The following SPA17 variants were observed in gnomAD, a reference collection of about 807,000 sequenced individuals.
SPA17 encodes sperm surface protein Sp17.
Under a neutral mutation model 13.8 loss-of-function variants are expected in SPA17, and 7 were observed. That is an observed-to-expected ratio of 0.51 (90% CI 0.29 to 0.95). The LOEUF is 0.95. Among genes scored for constraint, SPA17 ranks in the 40% least tolerant of loss-of-function variants. The pLI, the probability that SPA17 is intolerant of heterozygous loss-of-function variation, is 0.08. For synonymous variants in SPA17, 61 were observed against 59.0 expected (o/e 1.03, Z -0.16); for missense variants, 170 against 179.3 (o/e 0.95, Z 0.30).
chr11:124,691,431 T>G (rs1943622700), intron 3 of SPA17, among the ~76,000 whole-genome samples: 1 of 152,190 alleles, frequency 6.6e-6, no homozygotes, highest in South Asian at 2.1e-4. Context: ...CATAAAACAG[T>G]GGTACACACA....
chr11:124,684,843 G>A (rs1943562535), intron 3 of SPA17, among the ~76,000 whole-genome samples: 1 of 152,174 alleles, frequency 6.6e-6, no homozygotes, highest in African/African-American at 2.4e-5. Flanking sequence ...CAAAGAAACT[G>A]GCAGCATTTT....
intron 3 of SPA17, among the ~76,000 whole-genome samples, chr11:124,687,756 C>G (rs1470981217): frequency 1.3e-5 from 2 of 152,098 alleles, no homozygotes; most frequent in Non-Finnish European, 2.9e-5. Flanking sequence ...TAAAAACACT[C>G]AACAAACTAG....
At chr11:124,694,235 T>C in intron 4 of SPA17, 68 bp from the exon 5 acceptor site, 3 of 1,555,992 alleles carry the variant, frequency 1.9e-6, no homozygotes, top group Non-Finnish European at 2.6e-6. Flanking sequence ...ATTTCATCCA[T>C]TTATTTTTGT....
chr11:124,678,105 G>A (rs536019510), intron 2 of SPA17, among the ~76,000 whole-genome samples: 1 of 152,166 alleles, frequency 6.6e-6, no homozygotes, highest in Non-Finnish European at 1.5e-5. Context: ...TTGACCCGGA[G>A]GTGCCACTTC....
rs746800846 is a variant in SPA17, at chr11:124,675,259, A to C, written c.-6A>C. ...TTAGGTTCCATAGGCAGTTCTTACC[A>C]AGAAGATGTCGATTCCATTCTCCAA... On this transcript the variant is annotated 5_prime_UTR_variant, in exon 2 of 5. Coordinates refer to ENST00000227135, the MANE Select transcript of SPA17 (RefSeq NM_017425.4). 1.9e-6 allele frequency: 3 copies of C among 1,610,980 alleles called. No individual in the cohort carries two copies. Among genetic ancestry groups the C allele is most frequent in the Non-Finnish European group, 2.5e-6 (3 of 1,179,146 alleles).
intron 3 of SPA17, among the ~76,000 whole-genome samples, chr11:124,685,677 G>T (rs1401735336): frequency 1.3e-5 from 2 of 152,234 alleles, no homozygotes; most frequent in Non-Finnish European, 2.9e-5. Flanking sequence ...AAGCCACAGA[G>T]ATAGAGCTTC....
At chr11:124,691,045 C>CT (rs1264870056) in intron 3 of SPA17, among the ~76,000 whole-genome samples, 1 of 151,874 alleles carries the variant, frequency 6.6e-6, no homozygotes, top group African/African-American at 2.4e-5. Context: ...TGGGGTGTTT[C>CT]TTTTTTTAAT....
intron 2 of SPA17, among the ~76,000 whole-genome samples, chr11:124,678,974 GA>G (rs1424123562): frequency 1.3e-5 from 2 of 151,884 alleles, no homozygotes; most frequent in Admixed American, 1.3e-4. Flanking sequence ...CTTGAATTTC[GA>G]ATCATAAAAG....
intron 2 of SPA17, among the ~76,000 whole-genome samples, chr11:124,679,929 T>A (rs998758552): frequency 6.6e-6 from 1 of 152,170 alleles, no homozygotes; most frequent in Non-Finnish European, 1.5e-5. Context: ...ATTCGTGAAT[T>A]TGTGATGGTT....
At chr11:124,687,418 T>C (rs1025964909) in intron 3 of SPA17, among the ~76,000 whole-genome samples, 8 of 152,038 alleles carry the variant, frequency 5.3e-5, no homozygotes, top group African/African-American at 1.9e-4. Flanking sequence ...TTCCAAAAAA[T>C]TGAGAAGAAT....
At chr11:124,687,532 C>T (rs961856447) in intron 3 of SPA17, among the ~76,000 whole-genome samples, 2 of 152,138 alleles carry the variant, frequency 1.3e-5, no homozygotes, top group Non-Finnish European at 2.9e-5. Context: ...TCCTGATGAA[C>T]ATAGATTCAA....
chr11:124,689,757 C>CA (rs111288424), intron 3 of SPA17, among the ~76,000 whole-genome samples: 267 of 114,310 alleles, frequency 2.3e-3, no homozygotes, highest in Middle Eastern at 0.023. Context: ...GACCCTGTCT[C>CA]AAAAAAAAAA....
chr11:124,676,441 A>G (rs1943465254), intron 2 of SPA17: 1 of 152,268 alleles, frequency 6.6e-6, no homozygotes, highest in African/African-American at 2.4e-5. Flanking sequence ...CAAGCAAACA[A>G]ACATTCTATT....
intron 3 of SPA17, among the ~76,000 whole-genome samples, chr11:124,685,050 A>G (rs1343884959): frequency 6.6e-6 from 1 of 152,272 alleles, no homozygotes; most frequent in African/African-American, 2.4e-5. Context: ...AGAATTTTGC[A>G]TAAGCAATGA....
At chr11:124,692,732 T>A (rs560263126) in intron 4 of SPA17, among the ~76,000 whole-genome samples, 1 of 152,330 alleles carries the variant, frequency 6.6e-6, no homozygotes, top group African/African-American at 2.4e-5. Flanking sequence ...GAGAGCCAGT[T>A]GTTAAAACAC....
In SPA17 at chr11:124,695,105, T is replaced by G. The variant is rs1212219444; in HGVS notation, c.*659T>G. On this transcript the variant is annotated 3_prime_UTR_variant, in exon 5 of 5. Coordinates refer to ENST00000227135, the MANE Select transcript of SPA17 (RefSeq NM_017425.4). ...CTGGGCGACAGAGCAAGACTCTGTCTCAAAAACAAAACAAAACAAAAAAAA... is the reference window on the plus strand; with the variant it reads ...CTGGGCGACAGAGCAAGACTCTGTCGCAAAAACAAAACAAAACAAAAAAAA... 6.6e-6 allele frequency: 1 copy of G among 152,618 alleles called. No individual in the cohort carries two copies. Among genetic ancestry groups the G allele is most frequent in the Non-Finnish European group, 1.5e-5 (1 of 68,404 alleles). The allele number at this position is 152,618 out of a possible 1,614,324, so 9.5% of individuals were successfully genotyped here. A position where few individuals can be genotyped will look rare whatever the true frequency, so the allele number is the denominator to read the frequency against.
rs184276167 is a variant in SPA17 at position 124,691,070 on chromosome 11, T to C, written c.226-626T>C. 2.4e-3 allele frequency among the ~76,000 whole-genome samples: 365 copies of C among 152,314 alleles called. 2 individuals are homozygous for C. Among genetic ancestry groups the C allele is most frequent in the Non-Finnish European group, 3.6e-3 (242 of 68,010 alleles). ...CTTTTTTTAATTCTAAAGGCTTTAT[T>C]TGATTAACTTATATATTCTTAAATT... On this transcript the variant is annotated intron_variant, in intron 3 of 4. Transcript: ENST00000227135.
At position 124,694,708 on chromosome 11, in the gene SPA17, A is replaced by C. The variant is rs550442374; in HGVS notation, c.*262A>C. 1.3e-5 allele frequency: 4 copies of C among 315,730 alleles called. No homozygotes were observed. Among genetic ancestry groups the C allele is most frequent in the Non-Finnish European group, 2.3e-5 (4 of 173,278 alleles). The allele number at this position is 315,730 out of a possible 1,614,324, so 19.6% of individuals were successfully genotyped here. On this transcript the variant is annotated 3_prime_UTR_variant, in exon 5 of 5. Transcript: ENST00000227135. The stretch of plus-strand genomic sequence containing the variant: ...CCTTGGATTTAGAATTATAGAACTA[A>C]AGTATCTGAGATTACAGAGATCTCA...
At chr11:124,680,446 C>T (rs571302373) in intron 2 of SPA17, among the ~76,000 whole-genome samples, 70 of 152,280 alleles carry the variant, frequency 4.6e-4, no homozygotes, top group Admixed American at 1.8e-3. Context: ...GACGTAATTT[C>T]ATCAACAGAT....
Sources: gnomAD v4.1 joint callset for allele counts (sites outside exome capture counted in the v4.1 genomes callset) on GRCh38, gnomAD v4.1.1 for gene constraint, MANE v1.5 for transcripts, NCBI Gene and HGNC (gene_info 2026-07-23, HGNC 2026-07-21) for gene names.